PPP1R12A: variants seen among roughly 807,000 people sequenced by gnomAD.
The protein encoded by PPP1R12A is myosin binding subunit.
A neutral mutation model predicts 139.6 loss-of-function variants in PPP1R12A; 19 were observed. The ratio of observed to expected loss-of-function variants is 0.14; its 90% CI spans 0.09 to 0.20. The LOEUF (loss-of-function observed/expected upper bound fraction) is 0.20. Among genes scored for constraint, PPP1R12A ranks in the 10% least tolerant of loss-of-function variants. The probability of loss-of-function intolerance (pLI) is 1.00; values close to 1 mark genes in which losing one functional copy is unlikely to be tolerated. For missense variants in PPP1R12A, 925 were observed against 1,211.5 expected, an observed-to-expected ratio of 0.76 and a Z score of 3.51; for synonymous variants, 427 against 420.6, an observed-to-expected ratio of 1.02 and a Z score of -0.19.
intron 2 of PPP1R12A, among the ~76,000 whole-genome samples, chr12:79,859,351 A>G (rs1881048189): frequency 6.8e-6 from 1 of 147,094 alleles, no homozygotes; most frequent in Non-Finnish European, 1.5e-5. Context: ...AAAAAAAAAG[A>G]AAGAAAAAAA....
chr12:79,784,215 T>C (rs1292545472), intron 22 of PPP1R12A, among the ~76,000 whole-genome samples: 6 of 152,194 alleles, frequency 3.9e-5, no homozygotes, highest in Admixed American at 3.9e-4. Context: ...TACCTGAAAG[T>C]TGAACCCCTG....
intron 23 of PPP1R12A, chr12:79,779,485 G>C: frequency 4.4e-6 from 3 of 683,698 alleles, no homozygotes; most frequent in Non-Finnish European, 6.7e-6. Context: ...TGTTTTTAGG[G>C]TATGTGATTT....
chr12:79,802,785 A>G (rs1873352326), intron 14 of PPP1R12A, among the ~76,000 whole-genome samples: 1 of 152,178 alleles, frequency 6.6e-6, no homozygotes, highest in Non-Finnish European at 1.5e-5. Flanking sequence ...TGGAAAAAAA[A>G]AGTTCATAGC....
At chr12:79,919,792 GGGGACTGATAGAAGATAATT>G (rs2136941366) in intron 1 of PPP1R12A, among the ~76,000 whole-genome samples, 1 of 152,212 alleles carries the variant, frequency 6.6e-6, no homozygotes, top group South Asian at 2.1e-4. Flanking sequence ...GCTGAGGCTG[GGGGACTGATAGAAGATAATT>G]ACTCTGGCTC....
chr12:79,917,201 T>C (rs1199939798), intron 1 of PPP1R12A, among the ~76,000 whole-genome samples: 3 of 151,936 alleles, frequency 2.0e-5, no homozygotes. Context: ...GAGTTAAGAG[T>C]TTAGGCCGGG....
chr12:79,869,466 G>C (rs577427093), intron 2 of PPP1R12A, among the ~76,000 whole-genome samples: 2 of 152,274 alleles, frequency 1.3e-5, no homozygotes, highest in African/African-American at 4.8e-5. Context: ...ACAAACAACT[G>C]ATGTGTTAGA....
At chr12:79,863,544 C>T (rs957418679) in intron 2 of PPP1R12A, among the ~76,000 whole-genome samples, 1 of 147,056 alleles carries the variant, frequency 6.8e-6, no homozygotes, top group Admixed American at 7.1e-5. Context: ...AGACTCAAGA[C>T]CAATCAGTGT....
chr12:79,895,354 G>A (rs1175067919), intron 1 of PPP1R12A, among the ~76,000 whole-genome samples: 4 of 152,102 alleles, frequency 2.6e-5, no homozygotes, highest in African/African-American at 7.2e-5. Flanking sequence ...CTAAGAAAAT[G>A]TAGAAAGATT....
intron 19 of PPP1R12A, 131 bp from the exon 20 acceptor site, chr12:79,790,614 C>A (rs1871724441): frequency 1.8e-6 from 1 of 571,208 alleles, no homozygotes; most frequent in South Asian, 3.8e-5. Flanking sequence ...GTTCTTTATG[C>A]ATAACAGTAT....
At chr12:79,929,171 C>A (rs1888066301) in intron 1 of PPP1R12A, among the ~76,000 whole-genome samples, 1 of 152,150 alleles carries the variant, frequency 6.6e-6, no homozygotes, top group South Asian at 2.1e-4. Flanking sequence ...GCGCAGTTCA[C>A]AATAGGGTCC....
chr12:79,934,845 C>T lies in PPP1R12A; in HGVS notation c.87G>A (p.Val29=). 1 of 1,611,784 alleles carries T rather than the reference C, an allele frequency of 6.2e-7. No homozygotes were observed. Among genetic ancestry groups the T allele is most frequent in the Non-Finnish European group, 8.5e-7 (1 of 1,179,038 alleles). The stretch of plus-strand genomic sequence containing the variant: ...ACTTCACCTTGGTCTTCTGGCGCTT[C>T]ACCACCGGAGGCTCGAGGTCCGTCT... ...GSETDLEPPV[V]KRQKTKVKFD... Residue 29 remains valine, a synonymous_variant, in exon 1 of 25, where the codon GTG becomes GTA. Coordinates refer to ENST00000450142, the MANE Select transcript of PPP1R12A (RefSeq NM_002480.3).
At chr12:79,855,717 A>G (rs1416299924) in intron 2 of PPP1R12A, among the ~76,000 whole-genome samples, 3 of 152,156 alleles carry the variant, frequency 2.0e-5, no homozygotes, top group Non-Finnish European at 2.9e-5. Context: ...AAAAAAACAA[A>G]CCACACATTT....
Position 79,795,731 on chromosome 12 carries a change from T to C in PPP1R12A, c.2490A>G (p.Glu830=), listed in dbSNP as rs748631928. 6.2e-7 allele frequency: 1 copy of C among 1,611,458 alleles called. No homozygotes were observed. Among genetic ancestry groups the C allele is most frequent in the South Asian group, 1.1e-5 (1 of 91,036 alleles). ...REGEKREEEK[E]GEDKSQPKSI... is the part of the protein sequence containing the mutation. ...ATTTAGGTTGTGATTTATCTTCTCC[T>C]TCTTTCTCCTCTTCTCTTTTTTCTC... Residue 830 remains glutamate, a synonymous_variant, in exon 18 of 25, where the codon GAA becomes GAG. Transcript: ENST00000450142.
At chr12:79,822,297 T>C (rs999027235) in intron 5 of PPP1R12A, 107 bp from the exon 6 acceptor site, 3 of 759,256 alleles carry the variant, frequency 4.0e-6, no homozygotes, top group Admixed American at 5.3e-5. Flanking sequence ...TAACATTTTT[T>C]ACAGTGGTTA....
chr12:79,843,464 G>T (rs1439614663), intron 3 of PPP1R12A, among the ~76,000 whole-genome samples: 2 of 151,680 alleles, frequency 1.3e-5, no homozygotes, highest in African/African-American at 4.8e-5. Context: ...TGTAATCCCA[G>T]CTACTCGGGA....
intron 14 of PPP1R12A, among the ~76,000 whole-genome samples, chr12:79,803,080 GA>G (rs1490156347): frequency 6.6e-6 from 1 of 152,126 alleles, no homozygotes; most frequent in African/African-American, 2.4e-5. Context: ...AGGTTAGGGG[GA>G]TAAAAGTTAC....
intron 1 of PPP1R12A, among the ~76,000 whole-genome samples, chr12:79,896,162 T>G (rs1885112236): frequency 1.3e-5 from 2 of 152,150 alleles, no homozygotes; most frequent in African/African-American, 4.8e-5. Flanking sequence ...TAGGAGGACC[T>G]AAATTTATTC....
At chr12:79,908,439 T>C (rs780493899) in intron 1 of PPP1R12A, among the ~76,000 whole-genome samples, 3 of 152,250 alleles carry the variant, frequency 2.0e-5, no homozygotes, top group Non-Finnish European at 4.4e-5. Flanking sequence ...GCTTTTCTTG[T>C]AGTCTTTTCA....
intron 1 of PPP1R12A, among the ~76,000 whole-genome samples, chr12:79,909,690 C>T (rs1886404889): frequency 6.7e-6 from 1 of 150,130 alleles, no homozygotes. Flanking sequence ...GCCGAGATCA[C>T]GCTACTGTAC....
Sources: allele counts gnomAD v4.1 joint callset (sites outside exome capture counted in the v4.1 genomes callset), GRCh38; gene constraint gnomAD v4.1.1; transcripts MANE v1.5; gene names NCBI Gene and HGNC (gene_info 2026-07-23, HGNC 2026-07-21).